The following XRCC4 variants were observed in gnomAD, a reference collection of about 807,000 sequenced individuals.
The protein encoded by XRCC4 is DNA repair protein XRCC4.
A neutral mutation model predicts 39.1 loss-of-function variants in XRCC4; 28 were observed. That is an observed-to-expected ratio of 0.72 (90% confidence interval 0.53 to 0.98). XRCC4 has a LOEUF of 0.98. Ranked by LOEUF, XRCC4 falls within the 50% of genes least tolerant of loss-of-function variation. The pLI is 0.00. For synonymous variants in XRCC4, 123 were observed against 126.4 expected, an observed-to-expected ratio of 0.97 and a Z score of 0.18; for missense variants, 350 against 376.4, an observed-to-expected ratio of 0.93 and a Z score of 0.58.
chr5:83,176,503 G>A (rs1034126632), intron 3 of XRCC4, among the ~76,000 whole-genome samples: 35 of 152,160 alleles, frequency 2.3e-4, no homozygotes, highest in African/African-American at 7.7e-4. Flanking sequence ...GGAAGGTTAA[G>A]TATGTGGTAG....
intron 3 of XRCC4, among the ~76,000 whole-genome samples, chr5:83,176,722 A>G (rs907012014): frequency 6.6e-6 from 1 of 151,894 alleles, no homozygotes; most frequent in African/African-American, 2.4e-5. Flanking sequence ...TTCAGCCTCA[A>G]GTGATACTCC....
chr5:83,171,301 G>C (rs1449789810), intron 3 of XRCC4, among the ~76,000 whole-genome samples: 1 of 152,028 alleles, frequency 6.6e-6, no homozygotes, highest in Non-Finnish European at 1.5e-5. Context: ...ACCACCAGAG[G>C]AGCATTTCTA....
chr5:83,145,630 T>C (rs2252179), intron 3 of XRCC4, among the ~76,000 whole-genome samples: 54,066 of 152,038 alleles, frequency 0.36, 10,200 homozygotes, highest in Middle Eastern at 0.52. Flanking sequence ...TTCTCTCCTC[T>C]GCTTCTTCCT....
At chr5:83,141,509 G>A (rs184042921) in intron 3 of XRCC4, among the ~76,000 whole-genome samples, 2 of 152,254 alleles carry the variant, frequency 1.3e-5, no homozygotes, top group East Asian at 1.9e-4. Context: ...TCTGATAGGT[G>A]AGAAATTATA....
chr5:83,083,215 A>G (rs1580192184), intron 1 of XRCC4, among the ~76,000 whole-genome samples: 1 of 152,000 alleles, frequency 6.6e-6, no homozygotes, highest in African/African-American at 2.4e-5. Flanking sequence ...ATGTATTTTT[A>G]ATTGTGTTCC....
At chr5:83,332,466 C>T (rs1756469794) in intron 7 of XRCC4, among the ~76,000 whole-genome samples, 1 of 152,128 alleles carries the variant, frequency 6.6e-6, no homozygotes, top group Non-Finnish European at 1.5e-5. Flanking sequence ...ATTATACAGA[C>T]AGTGTCTAGA....
At chr5:83,258,485 G>A in intron 6 of XRCC4, 45 bp from the exon 7 acceptor site, 1 of 1,586,488 alleles carries the variant, frequency 6.3e-7, no homozygotes, top group East Asian at 2.3e-5. Context: ...TACAAATGAT[G>A]TGCATAATTT....
intron 6 of XRCC4, among the ~76,000 whole-genome samples, chr5:83,246,005 A>T (rs1480694260): frequency 6.6e-6 from 1 of 151,298 alleles, no homozygotes; most frequent in East Asian, 1.9e-4. Flanking sequence ...CAAATTATTT[A>T]TCGAAGTTTC....
chr5:83,155,765 A>C (rs966062812), intron 3 of XRCC4, among the ~76,000 whole-genome samples: 6 of 152,160 alleles, frequency 3.9e-5, no homozygotes, highest in Non-Finnish European at 7.4e-5. Context: ...TATTCATTTC[A>C]GTACCAAGAC....
chr5:83,152,059 A>G (rs914377042), intron 3 of XRCC4, among the ~76,000 whole-genome samples: 3 of 152,258 alleles, frequency 2.0e-5, no homozygotes, highest in African/African-American at 7.2e-5. Flanking sequence ...ATTACAAAAC[A>G]TACCAACTAA....
chr5:83,119,723 G>C (rs1475112769), intron 3 of XRCC4, among the ~76,000 whole-genome samples: 3 of 152,106 alleles, frequency 2.0e-5, no homozygotes, highest in African/African-American at 7.2e-5. Context: ...TGTAATCCCA[G>C]CACTTTGGAA....
At chr5:83,217,381 T>G (rs1751907329) in intron 6 of XRCC4, among the ~76,000 whole-genome samples, 1 of 133,766 alleles carries the variant, frequency 7.5e-6, no homozygotes, top group Admixed American at 7.3e-5. Flanking sequence ...AAAAAAACCA[T>G]TGCGATAATT....
intron 3 of XRCC4, among the ~76,000 whole-genome samples, chr5:83,151,476 G>A (rs2112553903): frequency 6.6e-6 from 1 of 152,198 alleles, no homozygotes; most frequent in African/African-American, 2.4e-5. Context: ...CATTCATAAA[G>A]ATTTTTTGTC....
At chr5:83,183,412 TTGTGTGTGTGTGTGTGTGTG>T (rs369446374) in intron 3 of XRCC4, among the ~76,000 whole-genome samples, 5 of 139,336 alleles carry the variant, frequency 3.6e-5, no homozygotes, top group Admixed American at 7.3e-5. Context: ...TTTCATTTAT[TTGTGTGTGTGTGTGTGTGTG>T]TGTGTGTGTG....
chr5:83,246,015 C>T (rs1753087213), intron 6 of XRCC4, among the ~76,000 whole-genome samples: 1 of 151,138 alleles, frequency 6.6e-6, no homozygotes, highest in Non-Finnish European at 1.5e-5. Context: ...ATCGAAGTTT[C>T]TTGCAAGTTA....
intron 7 of XRCC4, among the ~76,000 whole-genome samples, chr5:83,294,276 C>A (rs1755021091): frequency 6.6e-6 from 1 of 151,598 alleles, no homozygotes; most frequent in Admixed American, 6.6e-5. Context: ...GTATTTTGTG[C>A]CAAAGAAATA....
At chr5:83,087,136 G>C (rs1300262207) in intron 1 of XRCC4, among the ~76,000 whole-genome samples, 3 of 152,012 alleles carry the variant, frequency 2.0e-5, no homozygotes, top group Admixed American at 1.3e-4. Flanking sequence ...GGCCAACCTG[G>C]TGAAACCCCA....
chr5:83,294,042 GT>G (rs548279201), intron 7 of XRCC4, among the ~76,000 whole-genome samples: 19 of 149,318 alleles, frequency 1.3e-4, no homozygotes, highest in Admixed American at 4.0e-4. Context: ...TTTGACTTTT[GT>G]TTTTTTTTCT....
intron 7 of XRCC4, among the ~76,000 whole-genome samples, chr5:83,341,587 C>T (rs1018694667): frequency 6.6e-6 from 1 of 152,054 alleles, no homozygotes; most frequent in Non-Finnish European, 1.5e-5. Flanking sequence ...ACACACTGCA[C>T]ACAACCAAGC....
Sources: gnomAD v4.1 joint callset for allele counts (sites outside exome capture counted in the v4.1 genomes callset) on GRCh38, gnomAD v4.1.1 for gene constraint, MANE v1.5 for transcripts, NCBI Gene and HGNC (gene_info 2026-07-23, HGNC 2026-07-21) for gene names.